The following C1QTNF7 variants were observed in gnomAD, a reference collection of about 807,000 sequenced individuals.
The protein encoded by C1QTNF7 is C1q and TNF related 7, also known as complement C1q tumor necrosis factor-related protein 7.
A neutral mutation model predicts 19.6 loss-of-function variants in C1QTNF7; 15 were observed. The observed-to-expected ratio is 0.76, with a 90% confidence interval of 0.51 to 1.18. The LOEUF (loss-of-function observed/expected upper bound fraction) is 1.18, where lower values mean the gene tolerates loss of function less well. Among genes scored for constraint, C1QTNF7 ranks in the 50% most tolerant of loss-of-function variants. C1QTNF7 has a pLI of 0.00. For missense variants in C1QTNF7, 324 were observed against 359.7 expected (o/e 0.90, Z 0.80); for synonymous variants, 142 against 137.5 (o/e 1.03, Z -0.23).
At chr4:15,409,016 C>T (rs1307509463) in intron 1 of C1QTNF7, among the ~76,000 whole-genome samples, 1 of 152,196 alleles carries the variant, frequency 6.6e-6, no homozygotes, top group Non-Finnish European at 1.5e-5. Flanking sequence ...CCAGTCTCAG[C>T]AAGTCCAACG....
intron 1 of C1QTNF7, among the ~76,000 whole-genome samples, chr4:15,419,598 T>G (rs751378976): frequency 6.6e-6 from 1 of 152,108 alleles, no homozygotes; most frequent in Non-Finnish European, 1.5e-5. Context: ...TTCTGAGAAA[T>G]AGAACTAAAT....
chr4:15,374,651 G>A, intron 1 of C1QTNF7: 1 of 985,308 alleles, frequency 1.0e-6, no homozygotes, highest in Non-Finnish European at 1.2e-6. Flanking sequence ...TCAATCTGAA[G>A]CCCCAAAGAA....
chr4:15,349,091 C>G (rs945426382), intron 1 of C1QTNF7, among the ~76,000 whole-genome samples: 1 of 152,208 alleles, frequency 6.6e-6, no homozygotes, highest in African/African-American at 2.4e-5. Flanking sequence ...TATGTAATCT[C>G]CTTGCCAACA....
chr4:15,405,959 T>A (rs1020517250), intron 1 of C1QTNF7, among the ~76,000 whole-genome samples: 7 of 152,174 alleles, frequency 4.6e-5, no homozygotes, highest in African/African-American at 1.7e-4. Context: ...CCCCCCAGAC[T>A]CACTGGTCAC....
intron 1 of C1QTNF7, among the ~76,000 whole-genome samples, chr4:15,421,759 A>G (rs1711771687): frequency 1.3e-5 from 2 of 152,206 alleles, no homozygotes; most frequent in South Asian, 4.1e-4. Flanking sequence ...CTACTTCGCT[A>G]AGTGGTCAGG....
intron 1 of C1QTNF7, among the ~76,000 whole-genome samples, chr4:15,393,442 T>C (rs1718660485): frequency 1.3e-5 from 2 of 152,166 alleles, no homozygotes; most frequent in South Asian, 4.1e-4. Context: ...CCAGGAAAGC[T>C]TAATCACACT....
chr4:15,374,408 C>A, intron 1 of C1QTNF7: 1 of 251,138 alleles, frequency 4.0e-6, no homozygotes, highest in Non-Finnish European at 6.3e-6. Context: ...AAAATATTGT[C>A]CAGACTCACT....
At chr4:15,439,664 A>G (rs75823590) in intron 2 of C1QTNF7, among the ~76,000 whole-genome samples, 2,054 of 152,296 alleles carry the variant, frequency 0.013, 41 homozygotes, top group African/African-American at 0.046. Context: ...GAACAAATAC[A>G]TAGGTAAAGT....
intron 1 of C1QTNF7, among the ~76,000 whole-genome samples, chr4:15,393,227 G>A (rs1718650569): frequency 6.6e-6 from 1 of 152,202 alleles, no homozygotes; most frequent in African/African-American, 2.4e-5. Context: ...CCCTAGCCAT[G>A]TGGAAATGTG....
chr4:15,359,850 C>T (rs1382669693), intron 1 of C1QTNF7, among the ~76,000 whole-genome samples: 1 of 152,136 alleles, frequency 6.6e-6, no homozygotes, highest in African/African-American at 2.4e-5. Flanking sequence ...AAGCATGGCC[C>T]TTCGCCCAGA....
At position 15,445,279 on chromosome 4, in the gene C1QTNF7, G is replaced by A. The variant is rs973253566; in HGVS notation, c.*2480G>A. The stretch of plus-strand genomic sequence containing the variant: ...AAAGCATAAAAAAGAGCCAACAGAA[G>A]TAACTAATCCGGGAAAAGTGAACAT... On this transcript the variant is annotated 3_prime_UTR_variant, in exon 3 of 3. Coordinates refer to ENST00000444304, the MANE Select transcript of C1QTNF7 (RefSeq NM_031911.5). The A allele has an allele frequency of 1.3e-5, 2 of 152,210 alleles. No individual in the cohort carries two copies. Among genetic ancestry groups the A allele is most frequent in the African/African-American group, 2.4e-5 (1 of 41,460 alleles). 9.4% of individuals were successfully genotyped at this position (152,210 alleles called of 1,614,324 possible).
intron 1 of C1QTNF7, among the ~76,000 whole-genome samples, chr4:15,402,587 G>A (rs1329953839): frequency 6.6e-6 from 1 of 152,158 alleles, no homozygotes; most frequent in Non-Finnish European, 1.5e-5. Flanking sequence ...GAGGCTAGGG[G>A]TGGAAGGGAA....
chr4:15,408,257 G>C (rs1340917583), intron 1 of C1QTNF7, among the ~76,000 whole-genome samples: 1 of 127,028 alleles, frequency 7.9e-6, no homozygotes, highest in East Asian at 2.3e-4. Flanking sequence ...GGGCAACAGA[G>C]TGAGTAAGAC....
At chr4:15,382,813 G>A (rs1398379198) in intron 1 of C1QTNF7, among the ~76,000 whole-genome samples, 2 of 152,134 alleles carry the variant, frequency 1.3e-5, no homozygotes, top group Non-Finnish European at 2.9e-5. Context: ...AACCTTAGTT[G>A]ATTCTTCCTG....
chr4:15,370,444 G>A (rs1485254760), intron 1 of C1QTNF7, among the ~76,000 whole-genome samples: 1 of 152,120 alleles, frequency 6.6e-6, no homozygotes, highest in East Asian at 1.9e-4. Context: ...CCCTGTGTGT[G>A]CCCTCCTTGG....
chr4:15,415,776 T>A (rs1719584664), intron 1 of C1QTNF7, among the ~76,000 whole-genome samples: 1 of 152,152 alleles, frequency 6.6e-6, no homozygotes, highest in African/African-American at 2.4e-5. Context: ...TAAACTGGAA[T>A]AAATGTTACA....
chr4:15,422,424 C>G (rs572992854), intron 1 of C1QTNF7, among the ~76,000 whole-genome samples: 13 of 152,224 alleles, frequency 8.5e-5, no homozygotes, highest in Non-Finnish European at 1.6e-4. Context: ...TTGGAAAATC[C>G]TTCCTCCTGA....
At chr4:15,425,991 G>A (rs181129796), upstream of C1QTNF7, among the ~76,000 whole-genome samples, 3 of 152,200 alleles carry the variant, frequency 2.0e-5, no homozygotes, top group Admixed American at 6.6e-5. Context: ...TGACCATGGC[G>A]GGGGTATTCA....
intron 1 of C1QTNF7, among the ~76,000 whole-genome samples, chr4:15,379,013 A>G (rs1718045913): frequency 6.6e-6 from 1 of 152,224 alleles, no homozygotes; most frequent in Admixed American, 6.5e-5. Context: ...CTTTGTCACC[A>G]TAGTGACCTC....
Sources: allele counts gnomAD v4.1 joint callset (sites outside exome capture counted in the v4.1 genomes callset), GRCh38; gene constraint gnomAD v4.1.1; transcripts MANE v1.5; gene names NCBI Gene and HGNC (gene_info 2026-07-23, HGNC 2026-07-21).